The following WWOX variants were observed in gnomAD, a reference collection of about 807,000 sequenced individuals.
The protein encoded by WWOX is WW domain-containing oxidoreductase.
In WWOX, 69 loss-of-function variants were observed where a neutral mutation model predicts 46.2. That is an observed-to-expected ratio of 1.49 (90% CI 1.23 to 1.82). WWOX has a LOEUF of 1.82. Among genes scored for constraint, WWOX ranks in the 40% most tolerant of loss-of-function variants. The pLI, the probability that WWOX is intolerant of heterozygous loss-of-function variation, is 0.00. For synonymous variants in WWOX, 359 were observed against 202.6 expected (o/e 1.77, Z -6.56); for missense variants, 919 against 542.6 (o/e 1.69, Z -6.89).
chr16:78,233,221 C>T (rs924125512), intron 5 of WWOX, among the ~76,000 whole-genome samples: 2 of 152,192 alleles, frequency 1.3e-5, no homozygotes, highest in Non-Finnish European at 2.9e-5. Flanking sequence ...GCTGAACTGA[C>T]ATTTCACAGA....
chr16:78,538,130 C>A (rs551223968), intron 8 of WWOX, among the ~76,000 whole-genome samples: 85 of 146,000 alleles, frequency 5.8e-4, no homozygotes, highest in South Asian at 2.6e-3. Context: ...TTGGCAGTTA[C>A]CTGAAAGAAA....
chr16:79,054,858 G>T (rs2048233636), intron 8 of WWOX, among the ~76,000 whole-genome samples: 1 of 152,144 alleles, frequency 6.6e-6, no homozygotes, highest in African/African-American at 2.4e-5. Flanking sequence ...TAAAAGGGAG[G>T]CAGAAAATTA....
intron 6 of WWOX, among the ~76,000 whole-genome samples, chr16:78,404,699 C>G (rs112542358): frequency 2.6e-5 from 4 of 152,242 alleles, no homozygotes; most frequent in African/African-American, 9.6e-5. Flanking sequence ...TCCAAGGGCA[C>G]TATGTTGAAG....
intron 8 of WWOX, among the ~76,000 whole-genome samples, chr16:78,657,024 A>G (rs1030428887): frequency 6.6e-6 from 1 of 152,030 alleles, no homozygotes; most frequent in Admixed American, 6.5e-5. Context: ...GTACTCATTT[A>G]TTTCTGAAAA....
chr16:78,929,055 C>T lies in WWOX; in HGVS notation c.1057-282553C>T, dbSNP rs569524398. 3.7e-3 allele frequency among the ~76,000 whole-genome samples: 565 copies of T among 152,138 alleles called. 4 individuals carry two copies. The highest frequency in any genetic ancestry group is 6.8e-3 in the Middle Eastern group (2 of 294). On this transcript the variant is annotated intron_variant, in intron 8 of 8. Coordinates refer to ENST00000566780, the MANE Select transcript of WWOX (RefSeq NM_016373.4). The stretch of plus-strand genomic sequence containing the variant: ...GATTTTTAAAGAATTTCCTTTTTGC[C>T]TTCAAATCATTGCACAGAACATCCA...
intron 8 of WWOX, among the ~76,000 whole-genome samples, chr16:78,788,386 G>C (rs1243801618): frequency 6.6e-6 from 1 of 152,186 alleles, no homozygotes; most frequent in East Asian, 1.9e-4. Context: ...CCTGCCCCAA[G>C]GCAGGACTCT....
chr16:79,212,205 G>T lies in WWOX; in HGVS notation c.*409G>T. ...CGGGGGCTGGCCTTCTCCTACTTAG[G>T]GAAGAAAAAGCAAGTGTTCACTGCT... On this transcript the variant is annotated 3_prime_UTR_variant, in exon 9 of 9. Transcript: ENST00000566780. 6.9e-7 allele frequency: 1 copy of T among 1,446,286 alleles called. No homozygotes were observed. Among genetic ancestry groups the T allele is most frequent in the Non-Finnish European group, 9.0e-7 (1 of 1,105,454 alleles). The allele number at this position is 1,446,286 out of a possible 1,614,324, so 89.6% of individuals were successfully genotyped here. A position where few individuals can be genotyped will look rare whatever the true frequency, so the allele number is the denominator to read the frequency against.
chr16:78,492,477 G>C (rs1386931904), intron 8 of WWOX, among the ~76,000 whole-genome samples: 1 of 152,120 alleles, frequency 6.6e-6, no homozygotes, highest in African/African-American at 2.4e-5. Context: ...ACATTGGACT[G>C]TTTGCATGTA....
intron 6 of WWOX, among the ~76,000 whole-genome samples, chr16:78,400,091 A>T (rs2082376397): frequency 6.6e-6 from 1 of 152,188 alleles, no homozygotes; most frequent in Non-Finnish European, 1.5e-5. Context: ...AGAAAAACAT[A>T]AACGGGACCT....
intron 6 of WWOX, among the ~76,000 whole-genome samples, chr16:78,406,951 C>A (rs1413579438): frequency 1.3e-5 from 2 of 152,074 alleles, no homozygotes; most frequent in African/African-American, 2.4e-5. Flanking sequence ...TTATAAACTC[C>A]TTGGATGCTA....
chr16:78,865,367 G>A (rs535818175), intron 8 of WWOX, among the ~76,000 whole-genome samples: 1 of 152,216 alleles, frequency 6.6e-6, no homozygotes, highest in South Asian at 2.1e-4. Flanking sequence ...AGTACGTCAG[G>A]TGAAGGGCAG....
chr16:79,134,573 C>G (rs144590810), intron 8 of WWOX, among the ~76,000 whole-genome samples: 72 of 152,306 alleles, frequency 4.7e-4, no homozygotes, highest in African/African-American at 1.6e-3. Flanking sequence ...CTTATTAGAA[C>G]TCCACAGTAG....
chr16:78,617,667 G>T (rs928516078), intron 8 of WWOX, among the ~76,000 whole-genome samples: 4 of 152,086 alleles, frequency 2.6e-5, no homozygotes, highest in African/African-American at 9.7e-5. Context: ...AGCTTGCATG[G>T]CGCTCAGGTA....
intron 8 of WWOX, among the ~76,000 whole-genome samples, chr16:78,758,432 G>T (rs2049711089): frequency 6.6e-6 from 1 of 152,166 alleles, no homozygotes; most frequent in Admixed American, 6.5e-5. Context: ...GGGTCCAGGA[G>T]CCACCTTAAT....
intron 8 of WWOX, chr16:78,890,317 C>A (rs1260927051): frequency 2.0e-5 from 3 of 151,842 alleles, no homozygotes; most frequent in Non-Finnish European, 4.4e-5. Flanking sequence ...CTTGCCTCTC[C>A]ATCATTCTTA....
rs565457016 is a variant in WWOX at position 78,485,092 on chromosome 16, C to T, written c.1056+52340C>T. ...AGTCCTTCCAACTGGGATTCCCAGCCGGAAAGGAAACAGTTCATCTGACTA... is the reference window on the plus strand; with the variant it reads ...AGTCCTTCCAACTGGGATTCCCAGCTGGAAAGGAAACAGTTCATCTGACTA... On this transcript the variant is annotated intron_variant, in intron 8 of 8. Coordinates refer to ENST00000566780, the MANE Select transcript of WWOX (RefSeq NM_016373.4). 4.0e-5 allele frequency among the ~76,000 whole-genome samples: 6 copies of T among 151,834 alleles called. No individual in the cohort carries two copies. In the East Asian group the frequency reaches 7.8e-4, roughly 20 times the overall value.
intron 8 of WWOX, among the ~76,000 whole-genome samples, chr16:79,045,415 A>G (rs1012714755): frequency 2.0e-5 from 3 of 152,204 alleles, no homozygotes; most frequent in Non-Finnish European, 4.4e-5. Flanking sequence ...AGAGATGTAC[A>G]TCATGATCTG....
At chr16:78,834,019 T>C (rs1314791899) in intron 8 of WWOX, among the ~76,000 whole-genome samples, 1 of 142,384 alleles carries the variant, frequency 7.0e-6, no homozygotes, top group Non-Finnish European at 1.5e-5. Flanking sequence ...GCTGAATGAG[T>C]GAATGAGTGA....
At chr16:79,036,182 C>T (rs1025386946) in intron 8 of WWOX, among the ~76,000 whole-genome samples, 2 of 152,130 alleles carry the variant, frequency 1.3e-5, no homozygotes, top group East Asian at 3.9e-4. Flanking sequence ...CAGGTTTCAC[C>T]CTCTTCAAGT....
Sources: allele counts gnomAD v4.1 joint callset (sites outside exome capture counted in the v4.1 genomes callset), GRCh38; gene constraint gnomAD v4.1.1; transcripts MANE v1.5; gene names NCBI Gene and HGNC (gene_info 2026-07-23, HGNC 2026-07-21).